Variants in METTL24 observed in about 807,000 individuals in gnomAD.
METTL24 encodes methyltransferase like 24.
Under a neutral mutation model 32.7 loss-of-function variants are expected in METTL24, and 29 were observed. The observed-to-expected ratio is 0.89, with a 90% CI of 0.66 to 1.21. The LOEUF is 1.21. METTL24 is among the 50% of genes most tolerant of loss of function. METTL24 has a pLI of 0.00. For missense variants in METTL24, 439 were observed against 468.1 expected (o/e 0.94, Z 0.57); for synonymous variants, 163 against 179.5 (o/e 0.91, Z 0.73).
intron 1 of METTL24, among the ~76,000 whole-genome samples, chr6:110,350,542 A>AT (rs1357930129): frequency 1.3e-5 from 2 of 152,120 alleles, no homozygotes; most frequent in African/African-American, 4.8e-5. Flanking sequence ...GAAAAAAAAA[A>AT]ATCAAAGAAT....
intron 2 of METTL24, 28 bp downstream of exon 2, chr6:110,322,746 T>C (rs1562237111): frequency 1.9e-6 from 3 of 1,577,552 alleles, no homozygotes; most frequent in Non-Finnish European, 2.6e-6. Flanking sequence ...CACATTCTTC[T>C]CTAACTTCTT....
chr6:110,248,297 G>C (rs1778207350), intron 4 of METTL24, among the ~76,000 whole-genome samples: 1 of 152,052 alleles, frequency 6.6e-6, no homozygotes, highest in Admixed American at 6.6e-5. Context: ...ACATTCCTTG[G>C]GTGATTTCAG....
At chr6:110,286,613 G>T (rs1771226215) in intron 4 of METTL24, among the ~76,000 whole-genome samples, 1 of 152,160 alleles carries the variant, frequency 6.6e-6, no homozygotes, top group Non-Finnish European at 1.5e-5. Flanking sequence ...CATGGCTTCT[G>T]CCCAGGGAAA....
intron 4 of METTL24, among the ~76,000 whole-genome samples, chr6:110,263,036 T>A (rs968573850): frequency 7.9e-4 from 120 of 152,164 alleles, no homozygotes; most frequent in African/African-American, 2.7e-3. Flanking sequence ...AAAAACTGGA[T>A]GTGTTCCCTT....
intron 1 of METTL24, among the ~76,000 whole-genome samples, chr6:110,348,973 T>C (rs750357139): frequency 1.3e-5 from 2 of 152,246 alleles, no homozygotes; most frequent in Admixed American, 6.5e-5. Flanking sequence ...TTTAGTTCAC[T>C]GTTCTGCTAA....
chr6:110,316,745 C>T (rs1252639644), intron 2 of METTL24, among the ~76,000 whole-genome samples: 1 of 152,058 alleles, frequency 6.6e-6, no homozygotes, highest in Non-Finnish European at 1.5e-5. Flanking sequence ...AAAATATAAA[C>T]ATTAGCTGGG....
chr6:110,264,206 T>G (rs568255666), intron 4 of METTL24, among the ~76,000 whole-genome samples: 47 of 151,766 alleles, frequency 3.1e-4, no homozygotes, highest in Non-Finnish European at 5.9e-4. Context: ...GGGAGAAAAT[T>G]TTTGCAATCT....
chr6:110,340,415 G>A (rs902135842), intron 1 of METTL24, among the ~76,000 whole-genome samples: 13 of 152,258 alleles, frequency 8.5e-5, no homozygotes, highest in East Asian at 1.9e-4. Flanking sequence ...CCCAAGTTTA[G>A]AAATCAACCA....
intron 2 of METTL24, among the ~76,000 whole-genome samples, chr6:110,320,963 G>A (rs188653878): frequency 2.9e-3 from 445 of 152,226 alleles, no homozygotes; most frequent in African/African-American, 0.01. Context: ...TTGGCCAGGC[G>A]CAGTGGCTCA....
rs1771390292 is a variant in METTL24, at chr6:110,295,115, T to C, written c.786+3807A>G. 2.1e-5 allele frequency among the ~76,000 whole-genome samples: 3 copies of C among 145,042 alleles called. No homozygotes were observed. The South Asian group carries it at 6.9e-4, about 33-fold the overall frequency. On this transcript the variant is annotated intron_variant, in intron 4 of 4. Transcript: ENST00000338882. Reference sequence around the variant, plus strand: ...ATGGCTCACTGCAGCCTCCACCTCCTGGACTCAGTCAATCCTCCTATGTCA... The same window carrying C: ...ATGGCTCACTGCAGCCTCCACCTCCCGGACTCAGTCAATCCTCCTATGTCA...
Position 110,334,542 on chromosome 6 carries a change from A to G in METTL24, c.319-11670T>C, listed in dbSNP as rs149654201. Among the ~76,000 whole-genome samples, 6 of 152,314 alleles carry G rather than the reference A, an allele frequency of 3.9e-5. No individual in the cohort carries two copies. The East Asian group carries it at 1.2e-3, about 29-fold the overall frequency. ...GTGCTTGAATCCTCTCCTCTGAGAC[A>G]GGACAAAAGCAAGCAGGACATAAAG... On this transcript the variant is annotated intron_variant, in intron 1 of 4. Transcript: ENST00000338882.
intron 4 of METTL24, chr6:110,253,767 C>G: frequency 1.3e-6 from 1 of 766,948 alleles, no homozygotes. Context: ...ATAACTGAAA[C>G]ACACATTTTC....
chr6:110,248,252 T>C (rs1369664389), intron 4 of METTL24, among the ~76,000 whole-genome samples: 1 of 152,198 alleles, frequency 6.6e-6, no homozygotes, highest in Admixed American at 6.5e-5. Context: ...CAGCCTTAGA[T>C]ATTTCTTTAT....
At chr6:110,266,557 G>GCAGTTCTCCTGCGA (rs1770861053) in intron 4 of METTL24, among the ~76,000 whole-genome samples, 2 of 151,984 alleles carry the variant, frequency 1.3e-5, no homozygotes, top group Non-Finnish European at 2.9e-5. Flanking sequence ...CAGGATCATG[G>GCAGTTCTCCTGCGA]CAGTTCTCCT....
chr6:110,325,898 T>C (rs1772008867), intron 1 of METTL24, among the ~76,000 whole-genome samples: 1 of 152,182 alleles, frequency 6.6e-6, no homozygotes, highest in Non-Finnish European at 1.5e-5. Context: ...TGGCCCGTTG[T>C]GCATTCCTCC....
chr6:110,301,097 A>G, intron 3 of METTL24, among the ~76,000 whole-genome samples: 1 of 152,054 alleles, frequency 6.6e-6, no homozygotes, highest in African/African-American at 2.4e-5. Flanking sequence ...ACCCAACTAC[A>G]CTGCTCTTTT....
chr6:110,274,234 A>G (rs1341610292), intron 4 of METTL24, among the ~76,000 whole-genome samples: 1 of 152,120 alleles, frequency 6.6e-6, no homozygotes, highest in Non-Finnish European at 1.5e-5. Context: ...CTGGGATTAC[A>G]GGTGCCCACC....
At chr6:110,318,576 G>A (rs763626183) in intron 2 of METTL24, among the ~76,000 whole-genome samples, 4 of 150,986 alleles carry the variant, frequency 2.6e-5, no homozygotes, top group Admixed American at 6.6e-5. Flanking sequence ...GCTTGAAACC[G>A]GGAGGGCGGA....
intron 1 of METTL24, among the ~76,000 whole-genome samples, chr6:110,334,932 C>A (rs976565962): frequency 1.3e-5 from 2 of 152,168 alleles, no homozygotes; most frequent in African/African-American, 2.4e-5. Context: ...ATTTATAGAA[C>A]ATTTTTCTGT....
Sources: gnomAD v4.1 joint callset for allele counts (sites outside exome capture counted in the v4.1 genomes callset) on GRCh38, gnomAD v4.1.1 for gene constraint, MANE v1.5 for transcripts, NCBI Gene and HGNC (gene_info 2026-07-23, HGNC 2026-07-21) for gene names.